The following NAXD variants were observed in gnomAD, a reference collection of about 807,000 sequenced individuals.
NAXD encodes the protein NAD(P)HX dehydratase.
NAXD carries 22 observed loss-of-function variants against 35.8 expected under a neutral mutation model. The ratio of observed to expected loss-of-function variants is 0.62; its 90% CI spans 0.44 to 0.88. The LOEUF (loss-of-function observed/expected upper bound fraction) is 0.88. NAXD is among the 40% of genes least tolerant of loss of function. NAXD has a pLI of 0.00. For synonymous variants in NAXD, 189 were observed against 177.6 expected (o/e 1.06, Z -0.51); for missense variants, 428 against 437.7 (o/e 0.98, Z 0.20).
chr13:110,626,035 C>T (rs116337760), intron 4 of NAXD, among the ~76,000 whole-genome samples: 1,597 of 152,154 alleles, frequency 0.01, 10 homozygotes, highest in African/African-American at 0.023. Context: ...GGAGCCGGCG[C>T]GGAGCTCCAG....
intron 5 of NAXD, among the ~76,000 whole-genome samples, chr13:110,629,179 A>C (rs149471026): frequency 1.5e-3 from 231 of 152,348 alleles, no homozygotes; most frequent in African/African-American, 5.2e-3. Flanking sequence ...GCCTGAAAAC[A>C]ACCCGATTAG....
intron 8 of NAXD, among the ~76,000 whole-genome samples, chr13:110,636,653 A>T (rs2139653489): frequency 6.6e-6 from 1 of 152,366 alleles, no homozygotes; most frequent in South Asian, 2.1e-4. Flanking sequence ...GAGAATTCCC[A>T]TACACAGGCA....
chr13:110,618,352 A>G (rs1190162232), intron 1 of NAXD, among the ~76,000 whole-genome samples: 1 of 152,180 alleles, frequency 6.6e-6, no homozygotes, highest in African/African-American at 2.4e-5. Context: ...CAAAGTCTTA[A>G]GATTTCACAA....
intron 2 of NAXD, among the ~76,000 whole-genome samples, chr13:110,623,978 G>C (rs1886362288): frequency 6.6e-6 from 1 of 150,540 alleles, no homozygotes; most frequent in Non-Finnish European, 1.5e-5. Context: ...CTCCAGCCTG[G>C]GCAACAAGAG....
chr13:110,638,383 G>A lies in NAXD; in HGVS notation c.845G>A (p.Ser282Asn), dbSNP rs1887018917. The A allele has an allele frequency of 1.1e-5, 18 of 1,613,822 alleles. No homozygotes were observed. The East Asian group carries it at 3.6e-4, about 32-fold the overall frequency. Residue 282 changes from serine to asparagine, a missense_variant, in exon 10 of 10, where the codon AGC becomes AAC. Ser to Asn is a conservative substitution (Grantham distance 46). Around this residue, in one of 3 missense-constraint regions of NAXD, gnomAD observed 209 missense variants for 214.6 expected, o/e 0.97. Coordinates refer to ENST00000680254, the MANE Select transcript of NAXD (RefSeq NM_001242882.2). The surrounding 1 kb of genome is among the most constrained non-coding windows in gnomAD (Gnocchi z 5.4). ...TGCTGTCCCCCTCTCCGCAGGTCCA[G>A]CCCTCTCCTGGTGGCCGCGTTTGGC... ...LAGPQKTNGSSPLLVAAFGAC... is the reference protein window; with the variant it reads ...LAGPQKTNGSNPLLVAAFGAC...
Position 110,634,716 on chromosome 13 carries a change from C to T in NAXD, c.537C>T (p.Gly179=), listed in dbSNP as rs372250049. 2.0e-5 allele frequency: 32 copies of T among 1,614,054 alleles called. No individual in the cohort carries two copies. Among genetic ancestry groups the T allele is most frequent in the Non-Finnish European group, 2.5e-5 (29 of 1,180,038 alleles). ...LVAQQPALIH[G]YRKAVLTPNH... ...CTCAGCAGCCGGCCCTCATCCATGG[C>T]TACCGGAAGGCTGTGCTCACTCCCA... Residue 179 remains glycine (G), a synonymous_variant, in exon 7 of 10, where the codon GGC becomes GGT. Transcript: ENST00000680254.
intron 1 of NAXD, among the ~76,000 whole-genome samples, chr13:110,620,668 G>A (rs1886230688): frequency 6.6e-6 from 1 of 151,814 alleles, no homozygotes; most frequent in African/African-American, 2.4e-5. Flanking sequence ...TATCAGCTAA[G>A]GCAGTTACAT....
Position 110,635,604 on chromosome 13 carries a change from C to T in NAXD, c.718+16C>T, listed in dbSNP as rs1254871683. On this transcript the variant is annotated intron_variant, in intron 8 of 9. Coordinates refer to ENST00000680254, the MANE Select transcript of NAXD (RefSeq NM_001242882.2). The stretch of plus-strand genomic sequence containing the variant: ...GGCCAGCAGGGTGAGTGGCGGCTGC[C>T]CTCTGTGCATGGGCCAGTGCCAGGT... 11 of 1,613,152 alleles carry T rather than the reference C, an allele frequency of 6.8e-6. No homozygotes were observed. The highest frequency in any genetic ancestry group is 9.3e-6 in the Non-Finnish European group (11 of 1,179,764).
At chr13:110,626,952 T>G (rs1197011324) in intron 4 of NAXD, among the ~76,000 whole-genome samples, 1 of 152,156 alleles carries the variant, frequency 6.6e-6, no homozygotes, top group African/African-American at 2.4e-5. Flanking sequence ...CACATGTATG[T>G]GATGGAAACA....
Position 110,634,471 on chromosome 13 carries a change from A to G in NAXD, c.442-74A>G, listed in dbSNP as rs1245512150. 9 of 1,468,162 alleles carry G rather than the reference A, an allele frequency of 6.1e-6. No homozygotes were observed. The African/African-American group carries it at 6.9e-5, about 11-fold the overall frequency. 90.9% of individuals were successfully genotyped at this position (1,468,162 alleles called of 1,614,324 possible). A position where few individuals can be genotyped will look rare whatever the true frequency, so the allele number is the denominator to read the frequency against. Reference sequence around the variant, plus strand: ...CTTCCCTTGGCAATTAAGTTTCACCATGAGTTTTGAGAAGACACATACCCA... The same window carrying G: ...CTTCCCTTGGCAATTAAGTTTCACCGTGAGTTTTGAGAAGACACATACCCA... On this transcript the variant is annotated intron_variant, in intron 5 of 9. Transcript: ENST00000680254.
intron 5 of NAXD, among the ~76,000 whole-genome samples, chr13:110,631,181 A>G (rs1486898514): frequency 1.3e-5 from 2 of 152,132 alleles, no homozygotes; most frequent in African/African-American, 4.8e-5. Context: ...CTGTCCTCAC[A>G]CTGTGCTCTT....
chr13:110,634,080 G>A (rs150583020), intron 5 of NAXD, among the ~76,000 whole-genome samples: 34 of 152,268 alleles, frequency 2.2e-4, no homozygotes, highest in African/African-American at 7.7e-4. Flanking sequence ...CCTTGTTTAC[G>A]GGCTCTGCGA....
rs1886605451 is a variant in NAXD at position 110,628,998 on chromosome 13, GA to G, written c.441+1452del. Among the ~76,000 whole-genome samples the G allele has an allele frequency of 6.6e-6, 1 of 152,252 alleles. No homozygotes were observed. Among genetic ancestry groups the G allele is most frequent in the Admixed American group, 6.5e-5 (1 of 15,290 alleles). ...TGTGCGTCGCTGCCCCTGCAGCCCA[GA>G]CTCTGGACCTTGCATTCTGGTTCCT... On this transcript the variant is annotated intron_variant, in intron 5 of 9. Coordinates refer to ENST00000680254, the MANE Select transcript of NAXD (RefSeq NM_001242882.2). The surrounding 1 kb of genome is among the most constrained non-coding windows in gnomAD (Gnocchi z 4.1).
At chr13:110,615,789 A>C (rs868046923) in intron 1 of NAXD, 142 bp downstream of exon 1, 8 of 1,349,918 alleles carry the variant, frequency 5.9e-6, no homozygotes, top group Middle Eastern at 4.6e-4. Context: ...CCGACCGCTG[A>C]CCGCCTCTGC....
rs763441986 is a variant in NAXD at position 110,625,196 on chromosome 13, G to C, written c.250G>C (p.Asp84His). ...AAISALKVGA[D>H]LSHVFCASAA... ...TCTTGTGCTCCTTCATCAGGGCGCA[G>C]ACTTGTCCCACGTGTTCTGTGCCAG... The change falls in exon 4 of 10, where the codon GAC becomes CAC. Residue 84 changes from aspartate to histidine, a missense_variant. By Grantham distance (81) the Asp-to-His change is moderately conservative (BLOSUM62 -1). Around this residue, in one of 3 missense-constraint regions of NAXD, gnomAD observed 208 missense variants for 193.0 expected, o/e 1.08. Transcript: ENST00000680254. 1 of 1,613,624 alleles carries C rather than the reference G, an allele frequency of 6.2e-7. No individual in the cohort carries two copies. Among genetic ancestry groups the C allele is most frequent in the Non-Finnish European group, 8.5e-7 (1 of 1,179,714 alleles).
rs1010063992 is a variant in NAXD, at chr13:110,633,449, A to T, written c.442-1096A>T. ...CCTGCAAGCTGAGGGAGTGGGCTCC[A>T]GCCTTGGCCAGCCCAGAAAGGGGCT... On this transcript the variant is annotated intron_variant, in intron 5 of 9. Transcript: ENST00000680254. Among the ~76,000 whole-genome samples, 25 of 152,286 alleles carry T rather than the reference A, an allele frequency of 1.6e-4. 1 individual carries two copies. Among genetic ancestry groups the T allele is most frequent in the Non-Finnish European group, 2.2e-4 (15 of 68,022 alleles).
At chr13:110,623,005 A>G (rs748419035) in intron 2 of NAXD, among the ~76,000 whole-genome samples, 1 of 152,108 alleles carries the variant, frequency 6.6e-6, no homozygotes, top group Non-Finnish European at 1.5e-5. Flanking sequence ...TGCATTTTAC[A>G]TGCTGGTGAC....
chr13:110,627,455 G>C lies in NAXD; in HGVS notation c.349G>C (p.Val117Leu). Residue 117 changes from valine to leucine, a missense_variant, in exon 5 of 10, where the codon GTT becomes CTT. Val to Leu is a conservative substitution (Grantham distance 32). This residue lies in a region of NAXD where 208 missense variants were observed against 193.0 expected (regional missense o/e 1.08). Coordinates refer to ENST00000680254, the MANE Select transcript of NAXD (RefSeq NM_001242882.2). ...VHPVLDSPNA[V>L]HEVEKWLPRL... ...CTTCTTTAGTGACAGCCCCAATGCTGTTCATGAGGTGGAGAAGTGGCTGCC... is the reference window on the plus strand; with the variant it reads ...CTTCTTTAGTGACAGCCCCAATGCTCTTCATGAGGTGGAGAAGTGGCTGCC... 2 of 1,613,960 alleles carry C rather than the reference G, an allele frequency of 1.2e-6. No homozygotes were observed. Among genetic ancestry groups the C allele is most frequent in the South Asian group, 1.1e-5 (1 of 91,078 alleles).
intron 4 of NAXD, among the ~76,000 whole-genome samples, chr13:110,626,049 C>T (rs192315446): frequency 2.4e-4 from 37 of 152,138 alleles, no homozygotes; most frequent in Admixed American, 1.8e-3. Context: ...GCTCCAGGTG[C>T]GGTGCTGTGA....
Sources: gnomAD v4.1 joint callset for allele counts (sites outside exome capture counted in the v4.1 genomes callset) on GRCh38, gnomAD v4.1.1 for gene constraint, gnomAD v4.1.1 regional missense constraint, Gnocchi (gnomAD v3.1) non-coding constraint, MANE v1.5 for transcripts, NCBI Gene and HGNC (gene_info 2026-07-23, HGNC 2026-07-21) for gene names.